Variants in HSD3B1 observed in about 807,000 individuals in gnomAD.
The protein encoded by HSD3B1 is hydroxy-delta-5-steroid dehydrogenase, 3 beta- and steroid delta-isomerase 1, also known as 3 beta-hydroxysteroid dehydrogenase/Delta 5-->4-isomerase type 1.
Under a neutral mutation model 10.4 loss-of-function variants are expected in HSD3B1, and 11 were observed. That is an observed-to-expected ratio of 1.05 (90% CI 0.66 to 1.75). The LOEUF (loss-of-function observed/expected upper bound fraction) is 1.75. Ranked by LOEUF, HSD3B1 falls within the 40% of genes most tolerant of loss-of-function variation. The probability of loss-of-function intolerance (pLI) is 0.00; values close to 1 mark genes in which losing one functional copy is unlikely to be tolerated. For synonymous variants in HSD3B1, 217 were observed against 185.4 expected (o/e 1.17, Z -1.39); for missense variants, 490 against 454.5 (o/e 1.08, Z -0.71).
rs200990754 is a variant in HSD3B1 at position 119,507,589 on chromosome 1, C to T, written c.113C>T (p.Ala38Val). Residue 38 changes from alanine (A) to valine (V), a missense_variant, in exon 2 of 4, where the codon GCC (alanine) becomes GTC (valine). By Grantham distance (64) the Ala-to-Val change is moderately conservative (BLOSUM62 0). Coordinates refer to ENST00000369413, the MANE Select transcript of HSD3B1 (RefSeq NM_000862.3). ...AAGGAGATCAGGGTCTTGGACAAGG[C>T]CTTCGGACCAGAATTGAGAGAGGAA... The part of the protein sequence containing the change: ...ELKEIRVLDK[A>V]FGPELREEFS... 5 of 1,613,902 alleles carry T rather than the reference C, an allele frequency of 3.1e-6. No individual in the cohort carries two copies. The highest frequency in any genetic ancestry group is 3.3e-5 in the Admixed American group (2 of 60,000).
chr1:119,514,826 C>A lies in HSD3B1; in HGVS notation c.*181C>A, dbSNP rs1314376016. 1 of 686,526 alleles carries A rather than the reference C, an allele frequency of 1.5e-6. No homozygotes were observed. Among genetic ancestry groups the A allele is most frequent in the Non-Finnish European group, 2.5e-6 (1 of 396,900 alleles). 42.5% of individuals were successfully genotyped at this position (686,526 alleles called of 1,614,324 possible). A position where few individuals can be genotyped will look rare whatever the true frequency, so the allele number is the denominator to read the frequency against. On this transcript the variant is annotated 3_prime_UTR_variant, in exon 4 of 4. Transcript: ENST00000369413. ...AAAACCTGCGCAGTCATTGGCCCAA[C>A]AAGAAGGTTTCTGTCCTAATCATAT...
At chr1:119,513,807 C>T (rs761626617) in intron 3 of HSD3B1, 27 bp from the exon 4 acceptor site, 1 of 1,608,040 alleles carries the variant, frequency 6.2e-7, no homozygotes, top group Non-Finnish European at 8.5e-7. Context: ...TATATCCTGA[C>T]AGTGACAATA....
At chr1:119,513,728 C>T (rs1383703418) in intron 3 of HSD3B1, 106 bp from the exon 4 acceptor site, 1 of 1,077,844 alleles carries the variant, frequency 9.3e-7, no homozygotes, top group Non-Finnish European at 1.4e-6. Context: ...GAGTCTGTTA[C>T]AACCACCATA....
chr1:119,514,859 G>A lies in HSD3B1; in HGVS notation c.*214G>A. 1.7e-6 allele frequency: 1 copy of A among 600,824 alleles called. No homozygotes were observed. Among genetic ancestry groups the A allele is most frequent in the Non-Finnish European group, 2.9e-6 (1 of 340,484 alleles). 37.2% of individuals were successfully genotyped at this position (600,824 alleles called of 1,614,324 possible). ...TTTCTGTCCTAATCATATACCAGAG[G>A]AAAGACCATGTGGTTTGCTGTTACC... On this transcript the variant is annotated 3_prime_UTR_variant, in exon 4 of 4. Transcript: ENST00000369413.
chr1:119,509,244 C>T (rs1034597271), intron 2 of HSD3B1, among the ~76,000 whole-genome samples: 6 of 152,154 alleles, frequency 3.9e-5, no homozygotes, highest in African/African-American at 1.4e-4. Context: ...AGATTTGAAC[C>T]CAGACAGACT....
intron 3 of HSD3B1, among the ~76,000 whole-genome samples, chr1:119,512,514 G>A (rs911138838): frequency 5.9e-4 from 90 of 151,726 alleles, no homozygotes; most frequent in African/African-American, 2.0e-3. Flanking sequence ...CTGGCCCTCC[G>A]CATTTAGTCT....
intron 2 of HSD3B1, among the ~76,000 whole-genome samples, chr1:119,508,982 G>A (rs1339740322): frequency 6.6e-6 from 1 of 152,346 alleles, no homozygotes; most frequent in East Asian, 1.9e-4. Flanking sequence ...CAGCCTAGAG[G>A]TATTGTTCCC....
In HSD3B1 at chr1:119,511,256, C is replaced by G. The variant is rs587734978; in HGVS notation, c.146-247C>G. The stretch of plus-strand genomic sequence containing the variant: ...ATGCTTATATTCCAGGCATACCTGA[C>G]AGCTCACTGCTCAGATTACTTTTCT... On this transcript the variant is annotated intron_variant, in intron 2 of 3. Coordinates refer to ENST00000369413, the MANE Select transcript of HSD3B1 (RefSeq NM_000862.3). Among the ~76,000 whole-genome samples, 17 of 152,296 alleles carry G rather than the reference C, an allele frequency of 1.1e-4. No individual in the cohort carries two copies. The East Asian group carries it at 2.9e-3, about 26-fold the overall frequency.
chr1:119,513,507 T>A (rs1025603820), intron 3 of HSD3B1, among the ~76,000 whole-genome samples: 3 of 152,104 alleles, frequency 2.0e-5, no homozygotes, highest in Admixed American at 1.3e-4. Context: ...CAAATCATAA[T>A]TTGTCAATAC....
chr1:119,512,977 T>TCCGA (rs1653978790), intron 3 of HSD3B1, among the ~76,000 whole-genome samples: 1 of 152,230 alleles, frequency 6.6e-6, no homozygotes, highest in Non-Finnish European at 1.5e-5. Context: ...GGGAAGGCAC[T>TCCGA]ATGGGTACCT....
At position 119,507,499 on chromosome 1, in the gene HSD3B1, T is replaced by G; in HGVS notation, c.23T>G (p.Val8Gly). The G allele has an allele frequency of 6.2e-7, 1 of 1,613,930 alleles. No individual in the cohort carries two copies. Among genetic ancestry groups the G allele is most frequent in the Non-Finnish European group, 8.5e-7 (1 of 1,179,928 alleles). MTGWSCL[V>G]TGAGGFLGQR... Reference sequence around the variant, plus strand: ...GCCATGACGGGCTGGAGCTGCCTTGTGACAGGAGCAGGAGGGTTTCTGGGA... The same window carrying G: ...GCCATGACGGGCTGGAGCTGCCTTGGGACAGGAGCAGGAGGGTTTCTGGGA... Residue 8 changes from valine to glycine, a missense_variant, in exon 2 of 4, where the codon GTG becomes GGG. Val to Gly is a moderately radical substitution (Grantham distance 109). Transcript: ENST00000369413.
chr1:119,508,212 A>T (rs753352476), intron 2 of HSD3B1, among the ~76,000 whole-genome samples: 26 of 146,734 alleles, frequency 1.8e-4, no homozygotes, highest in Admixed American at 8.0e-4. Context: ...GAGAGAGACA[A>T]TGAGAAAGAC....
intron 2 of HSD3B1, among the ~76,000 whole-genome samples, chr1:119,509,414 C>G (rs1181228190): frequency 6.6e-6 from 1 of 152,238 alleles, no homozygotes; most frequent in Non-Finnish European, 1.5e-5. Context: ...ACTTCATCAA[C>G]AAAGTACCTT....
At chr1:119,509,927 G>A (rs934495916) in intron 2 of HSD3B1, among the ~76,000 whole-genome samples, 1 of 152,216 alleles carries the variant, frequency 6.6e-6, no homozygotes, top group Non-Finnish European at 1.5e-5. Flanking sequence ...CAGGGTACAA[G>A]CTTGGAGGCA....
Position 119,514,685 on chromosome 1 carries a change from A to C in HSD3B1, c.*40A>C. ...AGATGTGCATGTGGGTATTGTTAGG[A>C]GATGTCATCAAGCTCCACCCTCCTG... On this transcript the variant is annotated 3_prime_UTR_variant, in exon 4 of 4. Coordinates refer to ENST00000369413, the MANE Select transcript of HSD3B1 (RefSeq NM_000862.3). The C allele has an allele frequency of 6.2e-7, 1 of 1,601,132 alleles. No individual in the cohort carries two copies. The highest frequency in any genetic ancestry group is 8.5e-7 in the Non-Finnish European group (1 of 1,172,626).
intron 2 of HSD3B1, chr1:119,508,160 G>T (rs11581228): frequency 6.4e-6 from 1 of 155,318 alleles, no homozygotes. Context: ...CAATAAGGGG[G>T]AGAGAGAGTC....
chr1:119,511,754 G>C lies in HSD3B1; in HGVS notation c.310+87G>C, dbSNP rs587602255. The C allele has an allele frequency of 8.4e-6, 11 of 1,306,086 alleles. No homozygotes were observed. In the East Asian group the frequency reaches 2.3e-4, roughly 27 times the overall value. The allele number at this position is 1,306,086 out of a possible 1,614,324, so 80.9% of individuals were successfully genotyped here. Reference sequence around the variant, plus strand: ...GGAAGGGAAGAGAAGTCCCTCCACTGAACACCTGCTGTGCTCTGGGCCAAG... The same window carrying C: ...GGAAGGGAAGAGAAGTCCCTCCACTCAACACCTGCTGTGCTCTGGGCCAAG... On this transcript the variant is annotated intron_variant, in intron 3 of 3. Transcript: ENST00000369413.
intron 2 of HSD3B1, among the ~76,000 whole-genome samples, chr1:119,510,712 G>A (rs1473885437): frequency 2.6e-5 from 1 of 39,060 alleles, no homozygotes; most frequent in African/African-American, 5.9e-5. Flanking sequence ...TGCTTGTGTG[G>A]TTTTCTTTTT....
At chr1:119,507,888 T>C (rs41313985) in intron 2 of HSD3B1, 1 of 376,776 alleles carries the variant, frequency 2.7e-6, no homozygotes, top group Non-Finnish European at 4.9e-6. Context: ...TTTCTTCTCA[T>C]CTAGAAAATC....
Sources: gnomAD v4.1 joint callset for allele counts (sites outside exome capture counted in the v4.1 genomes callset) on GRCh38, gnomAD v4.1.1 for gene constraint, MANE v1.5 for transcripts, NCBI Gene and HGNC (gene_info 2026-07-23, HGNC 2026-07-21) for gene names.